Variants in STARD13 observed in about 807,000 individuals in gnomAD.
STARD13 encodes the protein stAR-related lipid transfer protein 13.
In STARD13, 62 loss-of-function variants were observed where a neutral mutation model predicts 106.4. The observed-to-expected ratio is 0.58, with a 90% CI of 0.48 to 0.72. STARD13 has a LOEUF of 0.72. Among genes scored for constraint, STARD13 ranks in the 30% least tolerant of loss-of-function variants. The pLI is 0.00. For synonymous variants in STARD13, 565 were observed against 553.0 expected (o/e 1.02, Z -0.31); for missense variants, 1,387 against 1,424.0 (o/e 0.97, Z 0.42).
chr13:33,656,133 A>G, the STARD13 span, among the ~76,000 whole-genome samples: 1 of 152,122 alleles, frequency 6.6e-6, no homozygotes, highest in African/African-American at 2.4e-5. Context: ...GATTTTTTAA[A>G]ATTTATTATT....
At chr13:33,536,046 G>T in the STARD13 span, among the ~76,000 whole-genome samples, 221 of 152,176 alleles carry the variant, frequency 1.5e-3, 1 homozygote, top group Admixed American at 3.8e-3. Context: ...CTGGGTTATG[G>T]GAAAGCTACT....
At chr13:33,199,765 T>C (rs555189628) in intron 1 of STARD13, among the ~76,000 whole-genome samples, 1 of 152,332 alleles carries the variant, frequency 6.6e-6, no homozygotes, top group African/African-American at 2.4e-5. Context: ...AGGGTTCTTT[T>C]CATGGAGTAA....
At chr13:33,546,221 T>C in the STARD13 span, among the ~76,000 whole-genome samples, 2 of 152,196 alleles carry the variant, frequency 1.3e-5, no homozygotes, top group Non-Finnish European at 2.9e-5. Flanking sequence ...CTGATTTTTT[T>C]CTCTTATTTT....
At chr13:33,330,581 T>C (rs2077825012) in intron 1 of STARD13, among the ~76,000 whole-genome samples, 1 of 152,336 alleles carries the variant, frequency 6.6e-6, no homozygotes, top group South Asian at 2.1e-4. Flanking sequence ...CAAATAAATA[T>C]AGCCTTTTAC....
the STARD13 span, among the ~76,000 whole-genome samples, chr13:33,410,220 A>T: frequency 8.5e-4 from 129 of 152,350 alleles, 1 homozygote; most frequent in South Asian, 0.026. Context: ...TCATTGTCAG[A>T]TGATTTATGG....
intron 4 of STARD13, among the ~76,000 whole-genome samples, chr13:33,131,582 C>CA (rs1461930733): frequency 5.9e-5 from 9 of 151,826 alleles, no homozygotes; most frequent in Non-Finnish European, 1.0e-4. Flanking sequence ...GACACTATCT[C>CA]AAAAAAATAA....
intron 3 of STARD13, among the ~76,000 whole-genome samples, chr13:33,158,436 A>T (rs995247828): frequency 1.3e-5 from 2 of 152,198 alleles, no homozygotes; most frequent in African/African-American, 4.8e-5. Flanking sequence ...CATGGCTAAC[A>T]CTTGCGGGAG....
chr13:33,674,846 G>C, the STARD13 span, among the ~76,000 whole-genome samples: 1 of 152,038 alleles, frequency 6.6e-6, no homozygotes, highest in Non-Finnish European at 1.5e-5. Flanking sequence ...TGCCGAGAAT[G>C]GCTCTGATGT....
At chr13:33,649,435 G>A in the STARD13 span, among the ~76,000 whole-genome samples, 15 of 152,126 alleles carry the variant, frequency 9.9e-5, no homozygotes, top group African/African-American at 2.2e-4. Flanking sequence ...TTTCCATAAC[G>A]TCATCTTGTG....
chr13:33,597,643 C>T, the STARD13 span, among the ~76,000 whole-genome samples: 1 of 151,260 alleles, frequency 6.6e-6, no homozygotes, highest in Non-Finnish European at 1.5e-5. Context: ...GTCGGGAGTT[C>T]CAGACCAGCC....
intron 1 of STARD13, among the ~76,000 whole-genome samples, chr13:33,293,929 A>T (rs1303508704): frequency 2.0e-5 from 3 of 152,144 alleles, no homozygotes; most frequent in Non-Finnish European, 4.4e-5. Context: ...TACTTAATAA[A>T]TTTCCCTTTA....
At chr13:33,346,612 G>T (rs897379815), downstream of STARD13, among the ~76,000 whole-genome samples, 1 of 151,868 alleles carries the variant, frequency 6.6e-6, no homozygotes, top group Non-Finnish European at 1.5e-5. Context: ...AGGTTTGTTT[G>T]TTTATTTATT....
At chr13:33,605,794 A>G in the STARD13 span, among the ~76,000 whole-genome samples, 1 of 152,314 alleles carries the variant, frequency 6.6e-6, no homozygotes, top group Admixed American at 6.5e-5. Context: ...TTTTCTAGAT[A>G]TATCAGGCCA....
chr13:33,449,851 AATGG>A, the STARD13 span, among the ~76,000 whole-genome samples: 20 of 152,116 alleles, frequency 1.3e-4, no homozygotes, highest in Non-Finnish European at 2.8e-4. Flanking sequence ...AGCTATTGAA[AATGG>A]TATTGCCTTC....
At chr13:33,159,363 C>T (rs904479271) in intron 3 of STARD13, among the ~76,000 whole-genome samples, 1 of 152,144 alleles carries the variant, frequency 6.6e-6, no homozygotes, top group African/African-American at 2.4e-5. Context: ...AAAGCATAGA[C>T]TTTGATGGAA....
In STARD13 at chr13:33,129,771, C is replaced by T; in HGVS notation, c.906G>A (p.Gln302=). ...GATCTCCATTTGGTATTTGGATGCACTGCATAGCCTTAAAGGACTCTGGCT... is the reference window on the plus strand; with the variant it reads ...GATCTCCATTTGGTATTTGGATGCATTGCATAGCCTTAAAGGACTCTGGCT... ...QQEPESFKAM[Q]CIQIPNGDLQ... is the part of the protein sequence containing the mutation. Residue 302 remains glutamine, a synonymous_variant, in exon 5 of 14, where the codon CAG becomes CAA. Transcript: ENST00000336934. 6.2e-7 allele frequency: 1 copy of T among 1,614,076 alleles called. No individual in the cohort carries two copies. The highest frequency in any genetic ancestry group is 8.5e-7 in the Non-Finnish European group (1 of 1,180,038).
chr13:33,312,118 C>G (rs755740562), intron 1 of STARD13, among the ~76,000 whole-genome samples: 1 of 152,166 alleles, frequency 6.6e-6, no homozygotes, highest in Non-Finnish European at 1.5e-5. Context: ...ACACAATATA[C>G]ATAAAAGCTG....
At chr13:33,425,154 G>A in the STARD13 span, among the ~76,000 whole-genome samples, 1 of 152,344 alleles carries the variant, frequency 6.6e-6, no homozygotes, top group East Asian at 1.9e-4. Flanking sequence ...CATTCAAATG[G>A]TGTATATGCG....
chr13:33,203,665 G>GA (rs1177493387), intron 1 of STARD13, among the ~76,000 whole-genome samples: 1 of 152,038 alleles, frequency 6.6e-6, no homozygotes, highest in Non-Finnish European at 1.5e-5. Context: ...ATCTTGATGA[G>GA]AAAATCAAAT....
Sources: allele counts gnomAD v4.1 joint callset (sites outside exome capture counted in the v4.1 genomes callset), GRCh38; gene constraint gnomAD v4.1.1; transcripts MANE v1.5; gene names NCBI Gene and HGNC (gene_info 2026-07-23, HGNC 2026-07-21).